Variants in SCRG1 observed in about 807,000 individuals in gnomAD.
SCRG1 encodes the protein scrapie-responsive protein 1.
A neutral mutation model predicts 7.7 loss-of-function variants in SCRG1; 3 were observed. The ratio of observed to expected loss-of-function variants is 0.39; its 90% CI spans 0.18 to 1.01. The LOEUF is 1.01. Ranked by LOEUF, SCRG1 falls within the 50% of genes least tolerant of loss-of-function variation. The pLI is 0.36. For missense variants in SCRG1, 110 were observed against 117.2 expected (o/e 0.94, Z 0.28); for synonymous variants, 46 against 41.2 (o/e 1.12, Z -0.44).
chr4:173,451,991 A>C, the SCRG1 span, among the ~76,000 whole-genome samples: 1 of 152,022 alleles, frequency 6.6e-6, no homozygotes. Flanking sequence ...GATTTTAAGG[A>C]TGCCATCCCT....
At chr4:173,425,461 T>G in the SCRG1 span, among the ~76,000 whole-genome samples, 15 of 152,320 alleles carry the variant, frequency 9.8e-5, no homozygotes, top group East Asian at 1.9e-4. Flanking sequence ...GTAAACCTAA[T>G]TCACCCCACT....
intron 1 of SCRG1, among the ~76,000 whole-genome samples, chr4:173,396,741 T>TGTGTGTGTGTGTGTGAGA (rs35823365): frequency 6.9e-6 from 1 of 145,530 alleles, no homozygotes; most frequent in Non-Finnish European, 1.5e-5. Flanking sequence ...TGTGTGTGTG[T>TGTGTGTGTGTGTGTGAGA]GTGTGTGTAT....
chr4:173,423,352 T>C, the SCRG1 span, among the ~76,000 whole-genome samples: 3 of 152,214 alleles, frequency 2.0e-5, no homozygotes, highest in African/African-American at 7.2e-5. Flanking sequence ...ATTGTTTTTC[T>C]AGAGGCCAAA....
At chr4:173,495,064 A>C in the SCRG1 span, among the ~76,000 whole-genome samples, 1 of 152,248 alleles carries the variant, frequency 6.6e-6, no homozygotes, top group Non-Finnish European at 1.5e-5. Flanking sequence ...TTCACATGAA[A>C]AATAGGGAAA....
chr4:173,485,010 A>ATATATAATATATAATATAAATTATATAT, the SCRG1 span, among the ~76,000 whole-genome samples: 1 of 4,906 alleles, frequency 2.0e-4, no homozygotes. Context: ...TATAAATATA[A>ATATATAATATATAATATAAATTATATAT]TATATAATAT....
At chr4:173,503,380 C>G in the SCRG1 span, among the ~76,000 whole-genome samples, 2 of 152,114 alleles carry the variant, frequency 1.3e-5, no homozygotes, top group Non-Finnish European at 1.5e-5. This position sits in a 1 kb window ranked among gnomAD's most constrained non-coding sequence, Gnocchi z 6.4. Context: ...AGGTTCAGAC[C>G]TTGTCCACCA....
chr4:173,449,568 A>G, the SCRG1 span, among the ~76,000 whole-genome samples: 1 of 151,986 alleles, frequency 6.6e-6, no homozygotes, highest in Non-Finnish European at 1.5e-5. Flanking sequence ...TTGCATTCCA[A>G]AAACGTGGCT....
chr4:173,427,677 G>A, the SCRG1 span, among the ~76,000 whole-genome samples: 1 of 152,172 alleles, frequency 6.6e-6, no homozygotes, highest in African/African-American at 2.4e-5. Context: ...CTCTGGCCAG[G>A]CACCCTCATG....
chr4:173,457,033 C>G, the SCRG1 span, among the ~76,000 whole-genome samples: 1 of 152,182 alleles, frequency 6.6e-6, no homozygotes, highest in African/African-American at 2.4e-5. Context: ...TTCTCTACAT[C>G]AGAGGCCAGA....
At chr4:173,450,677 TCA>T in the SCRG1 span, among the ~76,000 whole-genome samples, 2 of 152,112 alleles carry the variant, frequency 1.3e-5, no homozygotes, top group African/African-American at 4.8e-5. Context: ...GCAGATTCTC[TCA>T]GACTCTCAGA....
chr4:173,504,602 C>T, the SCRG1 span, among the ~76,000 whole-genome samples: 6 of 152,320 alleles, frequency 3.9e-5, no homozygotes, highest in South Asian at 2.1e-4. This position sits in a 1 kb window ranked among gnomAD's most constrained non-coding sequence, Gnocchi z 4.7. Flanking sequence ...ATCAAATGCC[C>T]TTCAAATTTT....
chr4:173,468,614 C>T, the SCRG1 span: 1 of 152,192 alleles, frequency 6.6e-6, no homozygotes, highest in African/African-American at 2.4e-5. Flanking sequence ...CCTATTTTCT[C>T]ACAAGGAGGA....
At chr4:173,390,547 A>G (rs938107309) in intron 2 of SCRG1, among the ~76,000 whole-genome samples, 3 of 147,134 alleles carry the variant, frequency 2.0e-5, no homozygotes, top group African/African-American at 7.6e-5. Flanking sequence ...ATCTCGGCTC[A>G]CTGCAACCTC....
At chr4:173,508,025 T>G in the SCRG1 span, among the ~76,000 whole-genome samples, 6 of 150,238 alleles carry the variant, frequency 4.0e-5, no homozygotes, top group Non-Finnish European at 8.9e-5. The surrounding 1 kb of genome is among the most constrained non-coding windows in gnomAD (Gnocchi z 4.4). Flanking sequence ...GGATGGAGGG[T>G]GAGATGGGTG....
At chr4:173,454,915 T>C in the SCRG1 span, among the ~76,000 whole-genome samples, 1 of 152,316 alleles carries the variant, frequency 6.6e-6, no homozygotes, top group East Asian at 1.9e-4. Context: ...CTTGATAAAG[T>C]AAGTGCTAAA....
At chr4:173,390,629 C>A (rs552180583) in intron 2 of SCRG1, among the ~76,000 whole-genome samples, 2 of 152,046 alleles carry the variant, frequency 1.3e-5, no homozygotes, top group South Asian at 4.1e-4. Flanking sequence ...CATGCCACCA[C>A]GCCCAGCTAA....
chr4:173,503,393 G>T, the SCRG1 span, among the ~76,000 whole-genome samples: 1 of 152,164 alleles, frequency 6.6e-6, no homozygotes, highest in Non-Finnish European at 1.5e-5. The surrounding 1 kb of genome is among the most constrained non-coding windows in gnomAD (Gnocchi z 6.4). Context: ...GTCCACCAAA[G>T]TCAGAGATTG....
At chr4:173,424,920 A>AAATAC in the SCRG1 span, among the ~76,000 whole-genome samples, 3 of 151,898 alleles carry the variant, frequency 2.0e-5, no homozygotes, top group African/African-American at 7.2e-5. Flanking sequence ...AAATAAAATA[A>AAATAC]AATAAAACAA....
At chr4:173,490,584 G>T in the SCRG1 span, among the ~76,000 whole-genome samples, 2 of 152,156 alleles carry the variant, frequency 1.3e-5, no homozygotes, top group African/African-American at 2.4e-5. Flanking sequence ...TGGAGTTGCT[G>T]CCCGATTGCA....
Sources: allele counts gnomAD v4.1 joint callset (sites outside exome capture counted in the v4.1 genomes callset), GRCh38; gene constraint gnomAD v4.1.1; non-coding constraint Gnocchi (gnomAD v3.1); transcripts MANE v1.5; gene names NCBI Gene and HGNC (gene_info 2026-07-23, HGNC 2026-07-21).